Variants in SIPA1L1 observed in about 807,000 individuals in gnomAD.
The protein encoded by SIPA1L1 is signal induced proliferation associated 1 like 1, also known as signal-induced proliferation-associated 1-like protein 1.
A neutral mutation model predicts 162.7 loss-of-function variants in SIPA1L1; 26 were observed. The observed-to-expected ratio is 0.16, with a 90% CI of 0.12 to 0.22. SIPA1L1 has a LOEUF of 0.22. SIPA1L1 is among the 10% of genes least tolerant of loss of function. The probability of loss-of-function intolerance (pLI) is 1.00; values close to 1 mark genes in which losing one functional copy is unlikely to be tolerated. For missense variants in SIPA1L1, 1,874 were observed against 2,241.0 expected, an observed-to-expected ratio of 0.84 and a Z score of 3.31; for synonymous variants, 829 against 837.4, an observed-to-expected ratio of 0.99 and a Z score of 0.17.
At chr14:71,384,421 C>A (rs1414943847) in intron 2 of SIPA1L1, among the ~76,000 whole-genome samples, 1 of 152,194 alleles carries the variant, frequency 6.6e-6, no homozygotes, top group Non-Finnish European at 1.5e-5. Flanking sequence ...GAGGGGCACA[C>A]CCAGCCGAGA....
intron 2 of SIPA1L1, among the ~76,000 whole-genome samples, chr14:71,475,119 G>T (rs2047744936): frequency 6.6e-6 from 1 of 152,234 alleles, no homozygotes; most frequent in African/African-American, 2.4e-5. Flanking sequence ...CCTTGTGCAT[G>T]TGAGCCAAGG....
At chr14:71,338,015 C>T (rs1234921520) in intron 2 of SIPA1L1, among the ~76,000 whole-genome samples, 2 of 152,152 alleles carry the variant, frequency 1.3e-5, no homozygotes, top group African/African-American at 4.8e-5. Flanking sequence ...TATACCCTTC[C>T]CTGCATATGG....
rs181796152 is a variant in SIPA1L1 at position 71,383,300 on chromosome 14, C to T, written c.-465+62119C>T. On this transcript the variant is annotated intron_variant, in intron 2 of 23. Coordinates refer to ENST00000381232, the MANE Select transcript of SIPA1L1 (RefSeq NM_001386936.1). ...ACCCACACTGGTCCTGGAGAGTTCA[C>T]TCTTACTTGCTATGTTATACTTTGG... Among the ~76,000 whole-genome samples the T allele has an allele frequency of 1.2e-3, 186 of 152,284 alleles. 2 individuals carry two copies. The highest frequency in any genetic ancestry group is 3.4e-3 in the Middle Eastern group (1 of 294).
At chr14:71,627,468 T>A (rs1025063651) in intron 7 of SIPA1L1, among the ~76,000 whole-genome samples, 1 of 152,078 alleles carries the variant, frequency 6.6e-6, no homozygotes, top group Non-Finnish European at 1.5e-5. Flanking sequence ...GTGATGCCCA[T>A]GTCAGTTGTT....
chr14:71,439,905 C>G (rs1411198564), intron 2 of SIPA1L1, among the ~76,000 whole-genome samples: 1 of 152,116 alleles, frequency 6.6e-6, no homozygotes, highest in African/African-American at 2.4e-5. Flanking sequence ...ATTTGGTTGA[C>G]TTATTTTTAG....
At chr14:71,595,421 A>T (rs1190482887) in intron 5 of SIPA1L1, among the ~76,000 whole-genome samples, 2 of 152,162 alleles carry the variant, frequency 1.3e-5, no homozygotes, top group African/African-American at 4.8e-5. Context: ...GTTTCACTGT[A>T]TGTCTAGTTT....
intron 2 of SIPA1L1, among the ~76,000 whole-genome samples, chr14:71,411,747 A>AC (rs2042421694): frequency 6.6e-6 from 1 of 152,128 alleles, no homozygotes; most frequent in South Asian, 2.1e-4. Context: ...TTGCCCCACT[A>AC]CCCACAGCCC....
intron 7 of SIPA1L1, among the ~76,000 whole-genome samples, chr14:71,635,267 G>A (rs544632955): frequency 1.4e-4 from 22 of 152,174 alleles, no homozygotes; most frequent in Admixed American, 6.5e-4. Context: ...CAACAAAAGC[G>A]AAACTCCATC....
At position 71,588,007 on chromosome 14, in the gene SIPA1L1, C is replaced by T. The variant is rs772645622; in HGVS notation, c.135C>T (p.Ser45=). 4 of 1,614,140 alleles carry T rather than the reference C, an allele frequency of 2.5e-6. No individual in the cohort carries two copies. The change falls in exon 5 of 24, where the codon AGC becomes AGT. Residue 45 remains serine (S), a synonymous_variant. Transcript: ENST00000381232. The surrounding 1 kb of genome is among the most constrained non-coding windows in gnomAD (Gnocchi z 4.3). ...GGCGCTTCCGGTCCCAAAATGGCAG[C>T]TTAGGATCATCAGTTATGGCTCCTG... The part of the protein sequence containing the change: ...YMRRFRSQNG[S]LGSSVMAPVG...
At chr14:71,439,003 T>G (rs2044626497) in intron 2 of SIPA1L1, among the ~76,000 whole-genome samples, 1 of 151,998 alleles carries the variant, frequency 6.6e-6, no homozygotes, top group Admixed American at 6.6e-5. Context: ...CTGCTTACTG[T>G]TTTTTGATTT....
intron 20 of SIPA1L1, among the ~76,000 whole-genome samples, chr14:71,730,884 C>T (rs1347368748): frequency 6.6e-6 from 1 of 152,152 alleles, no homozygotes; most frequent in African/African-American, 2.4e-5. Context: ...CAACTAGATC[C>T]CAGTTTTATT....
chr14:71,659,817 C>T (rs947945473), intron 9 of SIPA1L1, among the ~76,000 whole-genome samples: 3 of 151,714 alleles, frequency 2.0e-5, no homozygotes, highest in African/African-American at 7.2e-5. Flanking sequence ...TTTTGGAGTC[C>T]AATCAAGGCA....
chr14:71,690,217 C>G (rs959673025), intron 13 of SIPA1L1, among the ~76,000 whole-genome samples: 12 of 152,128 alleles, frequency 7.9e-5, no homozygotes, highest in Non-Finnish European at 1.8e-4. Context: ...GCTAGGTCCC[C>G]ATTGCCCATT....
chr14:71,502,648 A>G (rs1380968847), intron 2 of SIPA1L1, among the ~76,000 whole-genome samples: 1 of 152,198 alleles, frequency 6.6e-6, no homozygotes, highest in Non-Finnish European at 1.5e-5. Flanking sequence ...CATGTTGCAG[A>G]TAACTAAAAT....
chr14:71,646,317 CA>C (rs1416677591), intron 7 of SIPA1L1, among the ~76,000 whole-genome samples: 3 of 152,190 alleles, frequency 2.0e-5, no homozygotes, highest in Non-Finnish European at 4.4e-5. Context: ...GCTGGGACTA[CA>C]GGTGCCCGCC....
chr14:71,491,132 T>G (rs1319595305), intron 2 of SIPA1L1, among the ~76,000 whole-genome samples: 1 of 152,238 alleles, frequency 6.6e-6, no homozygotes, highest in Non-Finnish European at 1.5e-5. Context: ...ATTAATATAT[T>G]TCTAACTCAT....
intron 3 of SIPA1L1, among the ~76,000 whole-genome samples, chr14:71,525,641 C>CTT (rs1293115751): frequency 6.6e-6 from 1 of 152,198 alleles, no homozygotes; most frequent in Non-Finnish European, 1.5e-5. Flanking sequence ...ACGTTTGCTA[C>CTT]TTCACTTGAA....
chr14:71,417,936 G>A (rs1379096835), intron 2 of SIPA1L1, among the ~76,000 whole-genome samples: 3 of 152,062 alleles, frequency 2.0e-5, no homozygotes, highest in African/African-American at 7.2e-5. Context: ...TTTGTTACAC[G>A]TTTTTATTAT....
intron 2 of SIPA1L1, among the ~76,000 whole-genome samples, chr14:71,427,653 T>G (rs894151473): frequency 6.6e-6 from 1 of 152,212 alleles, no homozygotes; most frequent in Non-Finnish European, 1.5e-5. Context: ...TTGTCCTCTC[T>G]TCAGGTTCAC....
Sources: allele counts gnomAD v4.1 joint callset (sites outside exome capture counted in the v4.1 genomes callset), GRCh38; gene constraint gnomAD v4.1.1; non-coding constraint Gnocchi (gnomAD v3.1); transcripts MANE v1.5; gene names NCBI Gene and HGNC (gene_info 2026-07-23, HGNC 2026-07-21).